The following ADGRG1 variants were observed in gnomAD, a reference collection of about 807,000 sequenced individuals.
ADGRG1 encodes the protein 7-transmembrane protein with no EGF-like N-terminal domains-1.
ADGRG1 carries 53 observed loss-of-function variants against 73.5 expected under a neutral mutation model. The ratio of observed to expected loss-of-function variants is 0.72; its 90% CI spans 0.58 to 0.91. ADGRG1 has a LOEUF of 0.91. Ranked by LOEUF, ADGRG1 falls within the 40% of genes least tolerant of loss-of-function variation. The pLI is 0.00. For synonymous variants in ADGRG1, 394 were observed against 374.4 expected (o/e 1.05, Z -0.60); for missense variants, 795 against 871.8 (o/e 0.91, Z 1.11).
chr16:57,660,767 G>A lies in ADGRG1; in HGVS notation c.1556-1G>A. The A allele has an allele frequency of 6.2e-7, 1 of 1,602,518 alleles. No homozygotes were observed. Among genetic ancestry groups the A allele is most frequent in the Non-Finnish European group, 8.5e-7 (1 of 1,170,130 alleles). On this transcript the variant is annotated splice_acceptor_variant, in intron 11 of 13. Transcript: ENST00000562631. LOFTEE classifies it high-confidence loss of function. Reference sequence around the variant, plus strand: ...AGAGCAACATGCATTGCCACCCTCAGGCTTCCCCATCTTTCTGGTGACGCT... The same window carrying A: ...AGAGCAACATGCATTGCCACCCTCAAGCTTCCCCATCTTTCTGGTGACGCT...
In ADGRG1 at chr16:57,656,559, G is replaced by A. The variant is rs1229701744; in HGVS notation, c.1109G>A (p.Arg370Lys). The change falls in exon 9 of 14, where the codon AGG becomes AAG. Residue 370 changes from arginine to lysine, a missense_variant. Physicochemically the swap from Arg to Lys is conservative, Grantham distance 26. Coordinates refer to ENST00000562631, the MANE Select transcript of ADGRG1 (RefSeq NM_201525.4). The stretch of plus-strand genomic sequence containing the variant: ...AGCAGTGCTGGGTGTGAGACCGTCA[G>A]GAGAGAAACCCAAACATCCTGCTTC... ...HWSSAGCETV[R>K]RETQTSCFCN... 1.2e-6 allele frequency: 2 copies of A among 1,613,896 alleles called. No individual in the cohort carries two copies. The highest frequency in any genetic ancestry group is 1.7e-5 in the Admixed American group (1 of 60,000).
intron 2 of ADGRG1, chr16:57,650,955 G>A (rs889682464): frequency 4.1e-5 from 18 of 439,018 alleles, no homozygotes; most frequent in African/African-American, 1.5e-4. Flanking sequence ...TGATCCGCCC[G>A]CCTCAGCCTC....
At chr16:57,644,665 A>T (rs1447359896) in intron 1 of ADGRG1, among the ~76,000 whole-genome samples, 1 of 122,080 alleles carries the variant, frequency 8.2e-6, no homozygotes, top group Admixed American at 8.7e-5. Flanking sequence ...CTCATCACAC[A>T]CTCCTCACAC....
At chr16:57,623,839 A>G (rs2035336123), upstream of ADGRG1, 1 of 984,910 alleles carries the variant, frequency 1.0e-6, no homozygotes, top group Non-Finnish European at 1.2e-6. Context: ...CACAGGAGAT[A>G]GCAGGGAGGT....
Position 57,663,820 on chromosome 16 carries a change from A to C in ADGRG1, c.*238A>C, listed in dbSNP as rs1366186875. ...CCACGGGACTCAGAAGTGCGCCGCC[A>C]TGCTGCCTAGGGTACTGTCCCCACA... On this transcript the variant is annotated 3_prime_UTR_variant, in exon 14 of 14. Coordinates refer to ENST00000562631, the MANE Select transcript of ADGRG1 (RefSeq NM_201525.4). The C allele has an allele frequency of 1.7e-6, 1 of 587,818 alleles. No individual in the cohort carries two copies. 36.4% of individuals were successfully genotyped at this position (587,818 alleles called of 1,614,324 possible). A position where few individuals can be genotyped will look rare whatever the true frequency, so the allele number is the denominator to read the frequency against.
chr16:57,656,031 C>T (rs369266331), intron 7 of ADGRG1, 39 bp downstream of exon 7: 27 of 1,613,674 alleles, frequency 1.7e-5, no homozygotes, highest in Middle Eastern at 1.7e-4. Flanking sequence ...AAGCGCCCCT[C>T]GGCCATGTCA....
At chr16:57,634,348 G>A in intron 1 of ADGRG1, 5 of 985,364 alleles carry the variant, frequency 5.1e-6, no homozygotes, top group Non-Finnish European at 6.0e-6. Context: ...AGGGGCCCCT[G>A]AGTCATGCTC....
chr16:57,642,490 A>G, intron 1 of ADGRG1: 2 of 985,126 alleles, frequency 2.0e-6, no homozygotes, highest in Non-Finnish European at 2.4e-6. Flanking sequence ...GCTTTTTTCC[A>G]TGTGGATAAC....
At chr16:57,628,430 C>T, upstream of ADGRG1, 1 of 778,348 alleles carries the variant, frequency 1.3e-6, no homozygotes, top group Non-Finnish European at 1.6e-6. Context: ...TGCCCCCTTG[C>T]CCGGCGCTGA....
At chr16:57,627,594 A>T, upstream of ADGRG1, 1 of 165,346 alleles carries the variant, frequency 6.0e-6, no homozygotes, top group Non-Finnish European at 1.3e-5. Flanking sequence ...ACTTCTCTCC[A>T]CTGCCAGGGG....
intron 1 of ADGRG1, among the ~76,000 whole-genome samples, chr16:57,644,805 CAT>C (rs1365020280): frequency 6.8e-6 from 1 of 147,594 alleles, no homozygotes; most frequent in Non-Finnish European, 1.5e-5. Flanking sequence ...GGCACACACT[CAT>C]CACTCCTCAC....
At position 57,651,183 on chromosome 16, in the gene ADGRG1, A is replaced by G; in HGVS notation, c.65-17A>G. On this transcript the variant is annotated splice_polypyrimidine_tract_variant and intron_variant, in intron 2 of 13. Transcript: ENST00000562631. The stretch of plus-strand genomic sequence containing the variant: ...GCCCCTGCCACGGGGTCCCATCTGC[A>G]GCCTCTGCCTCCTCAGGTGCCCACG... The G allele has an allele frequency of 6.2e-7, 1 of 1,613,794 alleles. No homozygotes were observed. Among genetic ancestry groups the G allele is most frequent in the Non-Finnish European group, 8.5e-7 (1 of 1,179,984 alleles).
At chr16:57,653,672 G>T in intron 4 of ADGRG1, 3 of 875,510 alleles carry the variant, frequency 3.4e-6, no homozygotes, top group East Asian at 1.2e-4. Flanking sequence ...GGCGGAGCTG[G>T]GCCCAAACCC....
Position 57,644,219 on chromosome 16 carries a change from C to T in ADGRG1, c.-35-6034C>T, listed in dbSNP as rs544134503. 26 of 982,336 alleles carry T rather than the reference C, an allele frequency of 2.6e-5. 2 individuals carry two copies. In the South Asian group the frequency reaches 7.1e-4, roughly 27 times the overall value. 60.9% of individuals were successfully genotyped at this position (982,336 alleles called of 1,614,324 possible). The stretch of plus-strand genomic sequence containing the variant: ...GCATCCCTGTGTATGCACGGGCACA[C>T]GCACTCATGCACACACACTCATGCA... On this transcript the variant is annotated intron_variant, in intron 1 of 13. Transcript: ENST00000562631.
Position 57,661,914 on chromosome 16 carries a change from A to G in ADGRG1, c.1882A>G (p.Thr628Ala), listed in dbSNP as rs2047184178. Residue 628 changes from threonine to alanine, a missense_variant, in exon 13 of 14, where the codon ACC becomes GCC. By Grantham distance (58) the Thr-to-Ala change is moderately conservative (BLOSUM62 0). Coordinates refer to ENST00000562631, the MANE Select transcript of ADGRG1 (RefSeq NM_201525.4). ...GATCTTCTTCTCCTTTGCTTCTGGCACCTTCCAGCTTGTCGTCCTCTACCT... is the reference window on the plus strand; with the variant it reads ...GATCTTCTTCTCCTTTGCTTCTGGCGCCTTCCAGCTTGTCGTCCTCTACCT... ...ALIFFSFASG[T>A]FQLVVLYLFS... 2.5e-6 allele frequency: 4 copies of G among 1,614,064 alleles called. No homozygotes were observed. Among genetic ancestry groups the G allele is most frequent in the Non-Finnish European group, 3.4e-6 (4 of 1,180,038 alleles).
At chr16:57,624,072 A>G (rs962435383), upstream of ADGRG1, 1 of 395,184 alleles carries the variant, frequency 2.5e-6, no homozygotes, top group Non-Finnish European at 3.4e-6. Flanking sequence ...TGTGGACTTT[A>G]TCATAATAAT....
At chr16:57,655,337 T>C (rs2045425625) in intron 5 of ADGRG1, 62 bp from the exon 6 acceptor site, 1 of 1,555,604 alleles carries the variant, frequency 6.4e-7, no homozygotes, top group Non-Finnish European at 8.7e-7. Flanking sequence ...GTGTGTGTGC[T>C]AGGGTGGGGG....
intron 13 of ADGRG1, chr16:57,662,974 C>G: frequency 1.0e-6 from 1 of 985,264 alleles, no homozygotes; most frequent in Non-Finnish European, 1.2e-6. Flanking sequence ...ATTTAACATT[C>G]AAGCCTTCAT....
At chr16:57,656,112 T>C in intron 7 of ADGRG1, 114 bp from the exon 8 acceptor site, 1 of 1,613,378 alleles carries the variant, frequency 6.2e-7, no homozygotes, top group Non-Finnish European at 8.5e-7. Flanking sequence ...AGCAGTCAGG[T>C]CCAAATGGGG....
Sources: gnomAD v4.1 joint callset for allele counts (sites outside exome capture counted in the v4.1 genomes callset) on GRCh38, gnomAD v4.1.1 for gene constraint, MANE v1.5 for transcripts, NCBI Gene and HGNC (gene_info 2026-07-23, HGNC 2026-07-21) for gene names.